The following CPNE4 variants were observed in gnomAD, a reference collection of about 807,000 sequenced individuals.
The protein encoded by CPNE4 is copine 4.
Under a neutral mutation model 67.9 loss-of-function variants are expected in CPNE4, and 25 were observed. That is an observed-to-expected ratio of 0.37 (90% CI 0.27 to 0.51). The LOEUF is 0.51. Among genes scored for constraint, CPNE4 ranks in the 20% least tolerant of loss-of-function variants. CPNE4 has a pLI of 0.93. For missense variants in CPNE4, 464 were observed against 690.8 expected (o/e 0.67, Z 3.68); for synonymous variants, 242 against 244.9 (o/e 0.99, Z 0.11).
intron 7 of CPNE4, among the ~76,000 whole-genome samples, chr3:131,641,504 T>A (rs541565751): frequency 7.2e-4 from 109 of 152,126 alleles, no homozygotes; most frequent in African/African-American, 2.6e-3. Context: ...GATAAAAAAA[T>A]AAAAATTGAT....
At chr3:131,768,066 G>T (rs2083067701) in intron 2 of CPNE4, among the ~76,000 whole-genome samples, 1 of 152,142 alleles carries the variant, frequency 6.6e-6, no homozygotes, top group Non-Finnish European at 1.5e-5. Context: ...AGGAGGCTGA[G>T]ATTTAGGATT....
intron 2 of CPNE4, among the ~76,000 whole-genome samples, chr3:131,834,919 A>T (rs1355424141): frequency 6.6e-6 from 1 of 152,242 alleles, no homozygotes; most frequent in East Asian, 1.9e-4. Context: ...TAAGTAATTA[A>T]GACAGGAAAT....
intron 7 of CPNE4, among the ~76,000 whole-genome samples, chr3:131,659,574 C>A (rs114833077): frequency 6.6e-6 from 1 of 152,118 alleles, no homozygotes; most frequent in Non-Finnish European, 1.5e-5. Flanking sequence ...TTTAGACTTG[C>A]AAAGTGTTTT....
chr3:131,725,898 A>G (rs1335840722), intron 2 of CPNE4, among the ~76,000 whole-genome samples: 1 of 152,250 alleles, frequency 6.6e-6, no homozygotes, highest in Admixed American at 6.5e-5. Flanking sequence ...AGCAACTTCC[A>G]GGCCTTTCTC....
intron 13 of CPNE4, among the ~76,000 whole-genome samples, chr3:131,551,978 G>A (rs542222483): frequency 2.6e-5 from 4 of 151,534 alleles, no homozygotes; most frequent in African/African-American, 7.3e-5. Flanking sequence ...AACTCGCTGA[G>A]GCCATGTCCT....
At chr3:132,034,493 ACGCAGCAGCTC>A in intron 1 of CPNE4, 63 bp downstream of exon 1, 1 of 743,014 alleles carries the variant, frequency 1.3e-6, no homozygotes, top group Non-Finnish European at 1.6e-6. Flanking sequence ...TGGTCTTGCT[ACGCAGCAGCTC>A]CAACAGACTT....
At chr3:131,708,959 TA>T (rs1249166240) in intron 3 of CPNE4, among the ~76,000 whole-genome samples, 39 of 55,682 alleles carry the variant, frequency 7.0e-4, no homozygotes, top group African/African-American at 4.0e-3. Flanking sequence ...GGCATAAAGA[TA>T]TATATATATA....
intron 1 of CPNE4, among the ~76,000 whole-genome samples, chr3:131,924,181 A>G (rs749294445): frequency 1.3e-5 from 2 of 152,220 alleles, no homozygotes; most frequent in African/African-American, 2.4e-5. Flanking sequence ...TAGCCACATG[A>G]CATATCTTGT....
chr3:131,905,278 C>A lies in CPNE4; in HGVS notation c.166G>T (p.Gly56Trp), dbSNP rs749177374. Residue 56 changes from glycine (G) to tryptophan (W), a missense_variant, in exon 2 of 16, where the codon GGG becomes TGG. Physicochemically the swap from Gly to Trp is radical, Grantham distance 184. This residue lies in a region of CPNE4 where 170 missense variants were observed against 203.3 expected (regional missense o/e 0.84). Coordinates refer to ENST00000429747, the MANE Select transcript of CPNE4 (RefSeq NM_130808.3). Reference sequence around the variant, plus strand: ...GACATGCCTACCTCAAACCACTGCCCATGAGACTGCATCTTGAGGATGACA... The same window carrying A: ...GACATGCCTACCTCAAACCACTGCCAATGAGACTGCATCTTGAGGATGACA... ...PCVILKMQSH[G>W]QWFEVDRTEV... 1 of 1,613,186 alleles carries A rather than the reference C, an allele frequency of 6.2e-7. No homozygotes were observed. Among genetic ancestry groups the A allele is most frequent in the Non-Finnish European group, 8.5e-7 (1 of 1,179,472 alleles).
At chr3:131,580,449 TATACATATAC>T (rs1937746325) in intron 9 of CPNE4, among the ~76,000 whole-genome samples, 2 of 89,506 alleles carry the variant, frequency 2.2e-5, no homozygotes, top group Non-Finnish European at 5.3e-5. Flanking sequence ...TACATATACA[TATACATATAC>T]ACATATATGT....
intron 7 of CPNE4, among the ~76,000 whole-genome samples, chr3:131,608,642 T>C (rs1239446765): frequency 2.0e-5 from 3 of 151,962 alleles, no homozygotes; most frequent in African/African-American, 7.3e-5. Context: ...CTCTAGGAGG[T>C]TGATAATAGT....
At chr3:131,888,688 C>T (rs925884153) in intron 2 of CPNE4, among the ~76,000 whole-genome samples, 7 of 152,096 alleles carry the variant, frequency 4.6e-5, no homozygotes, top group African/African-American at 7.2e-5. Context: ...TCTGAGATTT[C>T]GAGTCCGTAG....
intron 7 of CPNE4, among the ~76,000 whole-genome samples, chr3:131,588,531 A>T (rs1424906239): frequency 6.6e-6 from 1 of 152,184 alleles, no homozygotes; most frequent in African/African-American, 2.4e-5. Flanking sequence ...GAGGCAGCTT[A>T]GTTCTTCTTC....
chr3:131,703,758 CAG>C (rs1560146552), intron 3 of CPNE4, among the ~76,000 whole-genome samples: 1 of 152,032 alleles, frequency 6.6e-6, no homozygotes, highest in Non-Finnish European at 1.5e-5. Context: ...GTTACAATAA[CAG>C]ATATTTATTG....
chr3:131,971,642 C>G, intron 1 of CPNE4, among the ~76,000 whole-genome samples: 1 of 152,134 alleles, frequency 6.6e-6, no homozygotes, highest in East Asian at 1.9e-4. Context: ...CACTCTCTAC[C>G]TTTGCTATAT....
intron 1 of CPNE4, among the ~76,000 whole-genome samples, chr3:132,033,403 GTC>G (rs1005828643): frequency 1.4e-4 from 7 of 48,654 alleles, no homozygotes; most frequent in East Asian, 3.9e-4. Flanking sequence ...GTGTGTGTGT[GTC>G]TGTGTGTGTG....
intron 2 of CPNE4, among the ~76,000 whole-genome samples, chr3:131,745,112 T>C (rs1484744310): frequency 6.6e-6 from 1 of 152,234 alleles, no homozygotes; most frequent in Non-Finnish European, 1.5e-5. Context: ...CACTATTTAT[T>C]ATTTCAGCCA....
At position 131,662,305 on chromosome 3, in the gene CPNE4, C is replaced by A. The variant is rs2080146846; in HGVS notation, c.681+7370G>T. ...AGACAGTGAATTTGTGGAGAAAATA[C>A]AATTTCAATTGAAGATGGCCTGGTC... On this transcript the variant is annotated intron_variant, in intron 7 of 15. Transcript: ENST00000429747. 4.6e-5 allele frequency among the ~76,000 whole-genome samples: 7 copies of A among 152,052 alleles called. No homozygotes were observed. The South Asian group carries it at 1.5e-3, about 32-fold the overall frequency.
At chr3:131,932,371 CAT>C (rs1315812505) in intron 1 of CPNE4, among the ~76,000 whole-genome samples, 2 of 152,042 alleles carry the variant, frequency 1.3e-5, no homozygotes, top group South Asian at 2.1e-4. Context: ...ATCCAGTCAA[CAT>C]ATATCAATTG....
Sources: allele counts gnomAD v4.1 joint callset (sites outside exome capture counted in the v4.1 genomes callset), GRCh38; gene constraint gnomAD v4.1.1; regional missense constraint gnomAD v4.1.1; transcripts MANE v1.5; gene names NCBI Gene and HGNC (gene_info 2026-07-23, HGNC 2026-07-21).